Variants in GATA4 observed in about 807,000 individuals in gnomAD.
The protein encoded by GATA4 is transcription factor GATA-4.
A neutral mutation model predicts 37.9 loss-of-function variants in GATA4; 7 were observed. The observed-to-expected ratio is 0.18, with a 90% CI of 0.11 to 0.35. GATA4 has a LOEUF of 0.35. Ranked by LOEUF, GATA4 falls within the 10% of genes least tolerant of loss-of-function variation. The pLI, the probability that GATA4 is intolerant of heterozygous loss-of-function variation, is 1.00. For missense variants in GATA4, 647 were observed against 653.0 expected (o/e 0.99, Z 0.10); for synonymous variants, 372 against 292.6 (o/e 1.27, Z -2.77).
intron 2 of GATA4, among the ~76,000 whole-genome samples, chr8:11,731,395 C>G (rs750960226): frequency 2.6e-5 from 4 of 152,302 alleles, no homozygotes; most frequent in East Asian, 1.9e-4. Flanking sequence ...TGGAGTATTA[C>G]TCAGCCTTAA....
chr8:11,738,558 T>A (rs1801572199), intron 2 of GATA4, among the ~76,000 whole-genome samples: 1 of 152,208 alleles, frequency 6.6e-6, no homozygotes, highest in Non-Finnish European at 1.5e-5. Context: ...GTAAGAGTTG[T>A]TTTTCCAGTC....
rs192619661 is a variant in GATA4 at position 11,695,400 on chromosome 8, C to A, written c.-729+2740C>A. 1.1e-4 allele frequency among the ~76,000 whole-genome samples: 17 copies of A among 151,848 alleles called. No individual in the cohort carries two copies. In the East Asian group the frequency reaches 2.1e-3, roughly 19 times the overall value. The stretch of plus-strand genomic sequence containing the variant: ...CAGCCTGGGCACCAAGAGTGAAACT[C>A]CATCTCAAAAAAAAAATAAATAAAA... On this transcript the variant is annotated intron_variant, in intron 1 of 2. Transcript: ENST00000526974.
At chr8:11,679,128 T>A (rs1798870772) in intron 1 of GATA4, among the ~76,000 whole-genome samples, 1 of 144,970 alleles carries the variant, frequency 6.9e-6, no homozygotes, top group Non-Finnish European at 1.5e-5. Context: ...AATCTCCAAT[T>A]GTCTAAACAC....
chr8:11,690,389 C>G (rs1799272146), upstream of GATA4, among the ~76,000 whole-genome samples: 2 of 152,006 alleles, frequency 1.3e-5, no homozygotes. Flanking sequence ...CTGGAAAATA[C>G]AAAGATGTCA....
upstream of GATA4, among the ~76,000 whole-genome samples, chr8:11,702,171 C>T (rs1354147943): frequency 6.6e-6 from 1 of 152,208 alleles, no homozygotes; most frequent in African/African-American, 2.4e-5. The surrounding 1 kb of genome is among the most constrained non-coding windows in gnomAD (Gnocchi z 4.4). Flanking sequence ...GTAGGAGCGC[C>T]GCCTGTGTCC....
intron 4 of GATA4, among the ~76,000 whole-genome samples, chr8:11,751,465 T>G (rs2645398): frequency 6.6e-6 from 1 of 152,100 alleles, no homozygotes; most frequent in African/African-American, 2.4e-5. Flanking sequence ...ACTGGGGTCC[T>G]GGGGAGAAGG....
chr8:11,750,428 C>T (rs1386209664), intron 4 of GATA4, among the ~76,000 whole-genome samples, 192 bp downstream of exon 4: 1 of 152,212 alleles, frequency 6.6e-6, no homozygotes, highest in Non-Finnish European at 1.5e-5. Flanking sequence ...TTCCGTTTTA[C>T]AGATGAGCAG....
In GATA4 at chr8:11,708,882, C is replaced by T. The variant is rs1430178919; in HGVS notation, c.570C>T (p.His190=). ...GCCCCTTCGACAGCCCGGTCCTGCA[C>T]AGCCTGCCCGGCCGGGCCAACCCGG... ...SAGPFDSPVL[H]SLPGRANPAA... is the part of the protein sequence containing the mutation. Residue 190 remains histidine (H), a synonymous_variant, in exon 2 of 7, where the codon CAC becomes CAT. Transcript: ENST00000532059. The surrounding 1 kb of genome is among the most constrained non-coding windows in gnomAD (Gnocchi z 6.7). 19 of 1,528,540 alleles carry T rather than the reference C, an allele frequency of 1.2e-5. No individual in the cohort carries two copies. Among genetic ancestry groups the T allele is most frequent in the Non-Finnish European group, 1.7e-5 (19 of 1,144,148 alleles). The allele number at this position is 1,528,540 out of a possible 1,614,324, so 94.7% of individuals were successfully genotyped here.
chr8:11,686,035 T>A (rs1799123739), intron 1 of GATA4, among the ~76,000 whole-genome samples: 1 of 152,174 alleles, frequency 6.6e-6, no homozygotes, highest in Admixed American at 6.5e-5. Context: ...TTAATAAATG[T>A]CAGGTTCCGG....
chr8:11,741,216 G>A lies in GATA4; in HGVS notation c.617-7700G>A, dbSNP rs1034651847. 2.0e-5 allele frequency among the ~76,000 whole-genome samples: 3 copies of A among 152,112 alleles called. 1 individual carries two copies. The highest frequency in any genetic ancestry group is 4.4e-5 in the Non-Finnish European group (3 of 68,024). ...CTTGTGGCCAGAAGTGGTGGCTCAT[G>A]CCTGTAATACCAATACTTTGGGAGG... is the stretch of plus-strand genomic sequence containing the variant. On this transcript the variant is annotated intron_variant, in intron 2 of 6. Transcript: ENST00000532059.
chr8:11,711,815 T>C (rs1235863261), intron 2 of GATA4, among the ~76,000 whole-genome samples: 2 of 151,578 alleles, frequency 1.3e-5, no homozygotes, highest in Non-Finnish European at 2.9e-5. Flanking sequence ...TTCCCATTAC[T>C]TGGGCTCTCC....
Position 11,749,138 on chromosome 8 carries a change from C to G in GATA4, c.786+53C>G. ...GGGCACCTGGCTGCGGAGCTCTCGC[C>G]TTGGTGGGACATCCTCTGGTTTTGA... On this transcript the variant is annotated intron_variant, in intron 3 of 6. Transcript: ENST00000532059. This position sits in a 1 kb window ranked among gnomAD's most constrained non-coding sequence, Gnocchi z 4.6. 6.3e-7 allele frequency: 1 copy of G among 1,578,650 alleles called. No homozygotes were observed. Among genetic ancestry groups the G allele is most frequent in the African/African-American group, 1.3e-5 (1 of 74,274 alleles).
At chr8:11,727,083 A>C (rs1585636389) in intron 2 of GATA4, among the ~76,000 whole-genome samples, 1 of 152,146 alleles carries the variant, frequency 6.6e-6, no homozygotes, top group Non-Finnish European at 1.5e-5. Flanking sequence ...TCATCATAAC[A>C]AACGTCACAG....
chr8:11,687,172 G>C (rs7841968), intron 1 of GATA4, among the ~76,000 whole-genome samples: 16,413 of 152,076 alleles, frequency 0.11, 2,650 homozygotes, highest in African/African-American at 0.35. Flanking sequence ...GATTTCCCTT[G>C]CCTTTGAAAA....
chr8:11,688,450 C>G (rs1236177136), upstream of GATA4, among the ~76,000 whole-genome samples: 1 of 152,130 alleles, frequency 6.6e-6, no homozygotes, highest in East Asian at 1.9e-4. Flanking sequence ...AAGGATATTC[C>G]AGCCATCAAG....
intron 6 of GATA4, among the ~76,000 whole-genome samples, chr8:11,757,399 C>G (rs766344541): frequency 2.0e-5 from 3 of 152,250 alleles, no homozygotes; most frequent in Non-Finnish European, 4.4e-5. Flanking sequence ...GAGTCCAGGG[C>G]TGGCATACAG....
upstream of GATA4, among the ~76,000 whole-genome samples, chr8:11,688,550 A>G (rs914511593): frequency 6.6e-6 from 1 of 151,876 alleles, no homozygotes; most frequent in Non-Finnish European, 1.5e-5. Context: ...ACACACACAC[A>G]CTTGAATCTC....
At chr8:11,721,118 T>G (rs1800654168) in intron 2 of GATA4, among the ~76,000 whole-genome samples, 1 of 151,508 alleles carries the variant, frequency 6.6e-6, no homozygotes, top group South Asian at 2.1e-4. Context: ...TGTGCACTCT[T>G]AGGGGCAGGG....
chr8:11,739,366 TG>T, intron 2 of GATA4, among the ~76,000 whole-genome samples: 1 of 152,238 alleles, frequency 6.6e-6, no homozygotes, highest in Non-Finnish European at 1.5e-5. Context: ...CAGGAATACC[TG>T]AAAAATAGAT....
Sources: gnomAD v4.1 joint callset for allele counts (sites outside exome capture counted in the v4.1 genomes callset) on GRCh38, gnomAD v4.1.1 for gene constraint, Gnocchi (gnomAD v3.1) non-coding constraint, MANE v1.5 for transcripts, NCBI Gene and HGNC (gene_info 2026-07-23, HGNC 2026-07-21) for gene names.